Variants in RXRA observed in about 807,000 individuals in gnomAD.
RXRA encodes the protein retinoid X receptor alpha.
RXRA carries 5 observed loss-of-function variants against 44.5 expected under a neutral mutation model. The observed-to-expected ratio is 0.11, with a 90% confidence interval of 0.06 to 0.24. The LOEUF is 0.24. RXRA is among the 10% of genes least tolerant of loss of function. The pLI is 1.00. For missense variants in RXRA, 412 were observed against 646.5 expected (o/e 0.64, Z 3.93); for synonymous variants, 291 against 271.4 (o/e 1.07, Z -0.71).
chr9:134,368,496 C>T (rs773754296), intron 1 of RXRA, among the ~76,000 whole-genome samples: 3 of 152,172 alleles, frequency 2.0e-5, no homozygotes, highest in Non-Finnish European at 2.9e-5. Flanking sequence ...TGGCTTTGAG[C>T]AAAAAGTCAT....
At chr9:134,329,851 CT>C (rs1834975959) in intron 1 of RXRA, among the ~76,000 whole-genome samples, 1 of 152,188 alleles carries the variant, frequency 6.6e-6, no homozygotes, top group African/African-American at 2.4e-5. Flanking sequence ...GAAAGGGTGC[CT>C]GCAGGATTTG....
At chr9:134,357,747 G>A (rs1830299960) in intron 1 of RXRA, among the ~76,000 whole-genome samples, 2 of 152,190 alleles carry the variant, frequency 1.3e-5, no homozygotes, top group African/African-American at 4.8e-5. Flanking sequence ...AAGCAGAATT[G>A]GCCACCCTCG....
chr9:134,360,480 C>T (rs973698963), intron 1 of RXRA, among the ~76,000 whole-genome samples: 15 of 152,228 alleles, frequency 9.9e-5, no homozygotes, highest in African/African-American at 2.4e-4. Context: ...CTGCAGCCTC[C>T]GTTTCCCTTT....
At chr9:134,361,695 T>C (rs1372658804) in intron 1 of RXRA, among the ~76,000 whole-genome samples, 1 of 152,222 alleles carries the variant, frequency 6.6e-6, no homozygotes, top group African/African-American at 2.4e-5. Context: ...ATGGCTCTGA[T>C]TAACATCGGA....
chr9:134,430,659 G>GGTGCAGT (rs750508998), intron 7 of RXRA, among the ~76,000 whole-genome samples: 1 of 152,212 alleles, frequency 6.6e-6, no homozygotes, highest in African/African-American at 2.4e-5. Flanking sequence ...GGGGCTGCAG[G>GGTGCAGT]GTGCAGTGTG....
intron 6 of RXRA, chr9:134,425,534 G>C: frequency 2.2e-6 from 2 of 894,682 alleles, no homozygotes; most frequent in Non-Finnish European, 2.7e-6. Flanking sequence ...CACCTCCTGC[G>C]TGGCGGCAGG....
intron 4 of RXRA, among the ~76,000 whole-genome samples, chr9:134,414,112 C>G (rs1428989943): frequency 6.6e-6 from 1 of 152,260 alleles, no homozygotes; most frequent in Non-Finnish European, 1.5e-5. Flanking sequence ...GCCCCCCAGC[C>G]TATAAATAAA....
At chr9:134,351,831 C>G (rs182897268) in intron 1 of RXRA, among the ~76,000 whole-genome samples, 2 of 152,158 alleles carry the variant, frequency 1.3e-5, no homozygotes, top group African/African-American at 4.8e-5. Flanking sequence ...TGCGGGGCCT[C>G]GGAGAGATTT....
chr9:134,414,123 G>A (rs533891114), intron 4 of RXRA, among the ~76,000 whole-genome samples: 1 of 152,230 alleles, frequency 6.6e-6, no homozygotes, highest in East Asian at 1.9e-4. Flanking sequence ...TATAAATAAA[G>A]CGATCATATT....
rs1214244009 is a variant in RXRA at position 134,349,857 on chromosome 9, G to A, written c.28+23198G>A. 6.6e-6 allele frequency among the ~76,000 whole-genome samples: 1 copy of A among 152,152 alleles called. No homozygotes were observed. The highest frequency in any genetic ancestry group is 1.5e-5 in the Non-Finnish European group (1 of 68,012). ...GGGTGCCGCAGGCTCTCCTGTGGTA[G>A]GAGTCGGGTGGACAGTTTGCACGAT... On this transcript the variant is annotated intron_variant, in intron 1 of 9. Transcript: ENST00000481739. This position sits in a 1 kb window ranked among gnomAD's most constrained non-coding sequence, Gnocchi z 4.3.
chr9:134,377,651 CAG>C (rs1830578357), intron 1 of RXRA, among the ~76,000 whole-genome samples: 1 of 152,210 alleles, frequency 6.6e-6, no homozygotes, highest in East Asian at 1.9e-4. Flanking sequence ...TTTATGAAAA[CAG>C]AGGTCAGTTT....
At position 134,415,546 on chromosome 9, in the gene RXRA, C is replaced by A. The variant is rs190958661; in HGVS notation, c.611-1612C>A. ...GTACCCCAGGTGTTCTGCCCACCAT[C>A]GAGACATCCTAGAGGGGCTGGGATG... On this transcript the variant is annotated intron_variant, in intron 4 of 9. Coordinates refer to ENST00000481739, the MANE Select transcript of RXRA (RefSeq NM_002957.6). 7.6e-4 allele frequency among the ~76,000 whole-genome samples: 115 copies of A among 152,168 alleles called. 1 individual carries two copies. The highest frequency in any genetic ancestry group is 1.2e-3 in the Non-Finnish European group (83 of 67,974).
At chr9:134,401,472 T>C in intron 1 of RXRA, 160 bp from the exon 2 acceptor site, 4 of 1,093,586 alleles carry the variant, frequency 3.7e-6, no homozygotes, top group Non-Finnish European at 5.3e-6. Context: ...CCGTAGTGAG[T>C]GTGAATTTGC....
intron 1 of RXRA, among the ~76,000 whole-genome samples, chr9:134,363,296 G>A (rs866957684): frequency 6.6e-6 from 1 of 152,238 alleles, no homozygotes; most frequent in African/African-American, 2.4e-5. Flanking sequence ...TGGCAGGGCC[G>A]TCGGGCCTCA....
At chr9:134,396,438 G>A (rs1424249310) in intron 1 of RXRA, among the ~76,000 whole-genome samples, 1 of 152,060 alleles carries the variant, frequency 6.6e-6, no homozygotes, top group Non-Finnish European at 1.5e-5. Flanking sequence ...ACTTCCGGAG[G>A]TGGGGGCTGG....
intron 9 of RXRA, 113 bp downstream of exon 9, chr9:134,434,320 C>T: frequency 1.4e-6 from 1 of 720,544 alleles, no homozygotes; most frequent in Non-Finnish European, 2.3e-6. Flanking sequence ...TCCCCAGGCC[C>T]AGCCCATGCC....
At chr9:134,339,080 GGT>G (rs1484070150) in intron 1 of RXRA, among the ~76,000 whole-genome samples, 7 of 151,798 alleles carry the variant, frequency 4.6e-5, no homozygotes, top group Non-Finnish European at 1.0e-4. Flanking sequence ...CCGTGTGCCT[GGT>G]GTCGGGGCAG....
chr9:134,329,613 G>A (rs536372969), intron 1 of RXRA, among the ~76,000 whole-genome samples: 1 of 152,160 alleles, frequency 6.6e-6, no homozygotes, highest in Admixed American at 6.5e-5. Context: ...CCCTTGGGGT[G>A]TGGGGTGCAG....
At chr9:134,432,389 C>A (rs1293516716) in intron 8 of RXRA, among the ~76,000 whole-genome samples, 4 of 152,216 alleles carry the variant, frequency 2.6e-5, no homozygotes, top group East Asian at 1.9e-4. Context: ...ATGGGTCAGG[C>A]CTGCCGGGTG....
Sources: gnomAD v4.1 joint callset for allele counts (sites outside exome capture counted in the v4.1 genomes callset) on GRCh38, gnomAD v4.1.1 for gene constraint, Gnocchi (gnomAD v3.1) non-coding constraint, MANE v1.5 for transcripts, NCBI Gene and HGNC (gene_info 2026-07-23, HGNC 2026-07-21) for gene names.